Variants in ACTL8 observed in about 807,000 individuals in gnomAD.
ACTL8 encodes actin-like protein 8.
In ACTL8, 3 loss-of-function variants were observed where a neutral mutation model predicts 9.3. That is an observed-to-expected ratio of 0.32 (90% CI 0.15 to 0.83). The LOEUF (loss-of-function observed/expected upper bound fraction) is 0.83, where lower values mean the gene tolerates loss of function less well. Ranked by LOEUF, ACTL8 falls within the 40% of genes least tolerant of loss-of-function variation. The pLI is 0.57. For missense variants in ACTL8, 381 were observed against 492.2 expected (o/e 0.77, Z 2.14); for synonymous variants, 224 against 205.9 (o/e 1.09, Z -0.75).
intron 1 of ACTL8, among the ~76,000 whole-genome samples, chr1:17,772,478 A>G (rs547509580): frequency 2.6e-4 from 32 of 122,616 alleles, no homozygotes; most frequent in Admixed American, 1.2e-3. Context: ...TCAAGGCACC[A>G]TACTGGATCC....
chr1:17,814,354 A>G lies in ACTL8; in HGVS notation c.-24-8631A>G, dbSNP rs138097246. On this transcript the variant is annotated intron_variant, in intron 1 of 2. Coordinates refer to ENST00000375406, the MANE Select transcript of ACTL8 (RefSeq NM_030812.3). The stretch of plus-strand genomic sequence containing the variant: ...CTACCAACAAAACAAAACAATACAT[A>G]CAATTATATTACAGTTGCCTACAGT... 2.8e-3 allele frequency among the ~76,000 whole-genome samples: 434 copies of G among 152,328 alleles called. 3 individuals are homozygous for G. The highest frequency in any genetic ancestry group is 9.9e-3 in the African/African-American group (413 of 41,584).
chr1:17,759,262 T>C (rs538157459), intron 1 of ACTL8, among the ~76,000 whole-genome samples: 25 of 152,338 alleles, frequency 1.6e-4, no homozygotes, highest in Middle Eastern at 3.4e-3. Context: ...AAGCTGGGCT[T>C]TGCCAGTAGA....
chr1:17,776,725 T>C (rs1183340603), intron 1 of ACTL8, among the ~76,000 whole-genome samples: 1 of 152,188 alleles, frequency 6.6e-6, no homozygotes, highest in Non-Finnish European at 1.5e-5. Flanking sequence ...AGGCCGATTC[T>C]AGCACCGGTC....
chr1:17,793,560 T>G (rs1485289188), intron 1 of ACTL8, among the ~76,000 whole-genome samples: 1 of 152,214 alleles, frequency 6.6e-6, no homozygotes, highest in Admixed American at 6.5e-5. Context: ...TTTTAGAACC[T>G]GGGACCTCAC....
chr1:17,826,576 T>C lies in ACTL8; in HGVS notation c.*57T>C. ...TGTTAGATGGGCACGGGCGGATTAA[T>C]TTTAGCAAAATGTTCTGGGTGGGGG... On this transcript the variant is annotated 3_prime_UTR_variant, in exon 3 of 3. Transcript: ENST00000375406. The surrounding 1 kb of genome is among the most constrained non-coding windows in gnomAD (Gnocchi z 4.5). The C allele has an allele frequency of 1.4e-6, 2 of 1,458,702 alleles. No homozygotes were observed. The highest frequency in any genetic ancestry group is 1.8e-6 in the Non-Finnish European group (2 of 1,098,730). The allele number at this position is 1,458,702 out of a possible 1,614,324, so 90.4% of individuals were successfully genotyped here. A position where few individuals can be genotyped will look rare whatever the true frequency, so the allele number is the denominator to read the frequency against.
intron 1 of ACTL8, among the ~76,000 whole-genome samples, chr1:17,777,997 C>T (rs1183223457): frequency 6.6e-6 from 1 of 152,186 alleles, no homozygotes; most frequent in Non-Finnish European, 1.5e-5. Context: ...CGTTCCTAGC[C>T]CCGCCGCCTT....
intron 1 of ACTL8, among the ~76,000 whole-genome samples, chr1:17,758,479 A>G (rs1368188628): frequency 6.6e-6 from 1 of 152,228 alleles, no homozygotes; most frequent in Non-Finnish European, 1.5e-5. Context: ...CCCTAAGTCA[A>G]TTCACAGACC....
In ACTL8 at chr1:17,821,573, T is replaced by G. The variant is rs76677376; in HGVS notation, c.-24-1412T>G. 3.9e-3 allele frequency among the ~76,000 whole-genome samples: 597 copies of G among 152,314 alleles called. 13 individuals are homozygous for G. In the East Asian group the frequency reaches 0.065, roughly 17 times the overall value. On this transcript the variant is annotated intron_variant, in intron 1 of 2. Transcript: ENST00000375406. ...TGTCAAAGAGCAAATGACACTTTTTTTGTGTGTGGGCCTATTTCTGGACTT... is the reference window on the plus strand; with the variant it reads ...TGTCAAAGAGCAAATGACACTTTTTGTGTGTGTGGGCCTATTTCTGGACTT...
chr1:17,790,743 G>A (rs948466998), intron 1 of ACTL8, among the ~76,000 whole-genome samples: 1 of 152,244 alleles, frequency 6.6e-6, no homozygotes, highest in Non-Finnish European at 1.5e-5. Context: ...TCCTGCTGCT[G>A]TTCATAGTGC....
intron 1 of ACTL8, among the ~76,000 whole-genome samples, chr1:17,814,415 A>G (rs980164229): frequency 6.6e-6 from 1 of 152,234 alleles, no homozygotes; most frequent in South Asian, 2.1e-4. Context: ...AGTTTGTAGC[A>G]TAGCAAGACT....
intron 1 of ACTL8, among the ~76,000 whole-genome samples, chr1:17,782,620 T>C (rs1396711798): frequency 6.6e-6 from 1 of 152,172 alleles, no homozygotes; most frequent in Non-Finnish European, 1.5e-5. Flanking sequence ...TCATGAAACG[T>C]CTTTACCAGC....
intron 1 of ACTL8, among the ~76,000 whole-genome samples, chr1:17,822,067 C>A (rs900025018): frequency 8.5e-5 from 13 of 152,144 alleles, no homozygotes; most frequent in Admixed American, 2.6e-4. Context: ...AAGAAACTAA[C>A]CACAATCATG....
chr1:17,795,434 G>T lies in ACTL8; in HGVS notation c.-24-27551G>T, dbSNP rs535901791. On this transcript the variant is annotated intron_variant, in intron 1 of 2. Transcript: ENST00000375406. The stretch of plus-strand genomic sequence containing the variant: ...GACTGCCTTGCAGGGTTCGTGTGAG[G>T]ATTAAATAAGAATGTAGTAAAATAT... Among the ~76,000 whole-genome samples the T allele has an allele frequency of 7.2e-5, 11 of 152,312 alleles. No homozygotes were observed. In the South Asian group the frequency reaches 2.3e-3, roughly 32 times the overall value.
chr1:17,769,719 C>A (rs753915735), intron 1 of ACTL8, among the ~76,000 whole-genome samples: 1 of 152,164 alleles, frequency 6.6e-6, no homozygotes, highest in African/African-American at 2.4e-5. Context: ...CTGGTGGGCA[C>A]GTGCTCAGCT....
At chr1:17,821,563 G>T (rs1019761936) in intron 1 of ACTL8, among the ~76,000 whole-genome samples, 1 of 152,126 alleles carries the variant, frequency 6.6e-6, no homozygotes, top group East Asian at 1.9e-4. Flanking sequence ...AAGAGCAAAT[G>T]ACACTTTTTT....
rs75589880 is a variant in ACTL8, at chr1:17,766,562, C to G, written c.-25+11058C>G. Reference sequence around the variant, plus strand: ...AGTCACAACCTTGGGCGCTGACAGCCTGTCAGGCACCGTCCTAATTGACTT... The same window carrying G: ...AGTCACAACCTTGGGCGCTGACAGCGTGTCAGGCACCGTCCTAATTGACTT... On this transcript the variant is annotated intron_variant, in intron 1 of 2. Coordinates refer to ENST00000375406, the MANE Select transcript of ACTL8 (RefSeq NM_030812.3). Among the ~76,000 whole-genome samples, 600 of 152,322 alleles carry G rather than the reference C, an allele frequency of 3.9e-3. 3 individuals carry two copies. The highest frequency in any genetic ancestry group is 6.5e-3 in the Non-Finnish European group (440 of 68,030).
At chr1:17,764,145 C>T (rs2066027666) in intron 1 of ACTL8, among the ~76,000 whole-genome samples, 1 of 152,138 alleles carries the variant, frequency 6.6e-6, no homozygotes. Context: ...TGGTCCCTTC[C>T]CTTGGTGGGC....
At chr1:17,801,634 A>G (rs2066323379) in intron 1 of ACTL8, among the ~76,000 whole-genome samples, 2 of 152,240 alleles carry the variant, frequency 1.3e-5, no homozygotes. Flanking sequence ...AAGATTAAAA[A>G]TAAAACATAA....
chr1:17,815,306 C>G (rs914145510), intron 1 of ACTL8, among the ~76,000 whole-genome samples: 4 of 152,206 alleles, frequency 2.6e-5, no homozygotes, highest in Admixed American at 2.6e-4. Context: ...TTTCCTTCAG[C>G]CTGAAGAGCT....
Sources: gnomAD v4.1 joint callset for allele counts (sites outside exome capture counted in the v4.1 genomes callset) on GRCh38, gnomAD v4.1.1 for gene constraint, Gnocchi (gnomAD v3.1) non-coding constraint, MANE v1.5 for transcripts, NCBI Gene and HGNC (gene_info 2026-07-23, HGNC 2026-07-21) for gene names.